The following XIRP2 variants were observed in gnomAD, a reference collection of about 807,000 sequenced individuals.
XIRP2 encodes the protein xin actin binding repeat containing 2, also known as xin actin-binding repeat-containing protein 2.
A neutral mutation model predicts 277.0 loss-of-function variants in XIRP2; 236 were observed. The ratio of observed to expected loss-of-function variants is 0.85; its 90% CI spans 0.77 to 0.95. The LOEUF (loss-of-function observed/expected upper bound fraction) is 0.95, where lower values mean the gene tolerates loss of function less well. Among genes scored for constraint, XIRP2 ranks in the 40% least tolerant of loss-of-function variants. XIRP2 has a pLI of 0.00. For missense variants in XIRP2, 4,640 were observed against 4,157.5 expected (o/e 1.12, Z -3.19); for synonymous variants, 1,490 against 1,416.5 (o/e 1.05, Z -1.17).
At chr2:167,233,930 G>A (rs1694828640) in intron 5 of XIRP2, among the ~76,000 whole-genome samples, 1 of 151,512 alleles carries the variant, frequency 6.6e-6, no homozygotes, top group Non-Finnish European at 1.5e-5. Flanking sequence ...ATGTCTTTAT[G>A]TAAGCTGCAT....
chr2:167,087,499 A>G (rs1433365336), intron 2 of XIRP2, among the ~76,000 whole-genome samples: 1 of 152,068 alleles, frequency 6.6e-6, no homozygotes, highest in East Asian at 1.9e-4. Context: ...TGCTTTGTTT[A>G]CCTAAGCAAG....
At chr2:166,944,812 G>A (rs1407996289) in intron 2 of XIRP2, among the ~76,000 whole-genome samples, 2 of 152,074 alleles carry the variant, frequency 1.3e-5, no homozygotes, top group African/African-American at 4.8e-5. Flanking sequence ...AAACCATAAA[G>A]ACATTAAGTA....
At chr2:167,142,780 G>T (rs896350917) in intron 3 of XIRP2, among the ~76,000 whole-genome samples, 1 of 152,250 alleles carries the variant, frequency 6.6e-6, no homozygotes, top group African/African-American at 2.4e-5. Context: ...ACGGTGCTAT[G>T]CCAGAGAAGT....
At chr2:166,988,283 T>TTCTACTAACTGCCTGC (rs1310754192) in intron 2 of XIRP2, among the ~76,000 whole-genome samples, 1 of 152,150 alleles carries the variant, frequency 6.6e-6, no homozygotes, top group Non-Finnish European at 1.5e-5. Flanking sequence ...CTAAGGGACA[T>TTCTACTAACTGCCTGC]TCTACTAACT....
At chr2:166,940,422 G>A (rs544839273) in intron 2 of XIRP2, among the ~76,000 whole-genome samples, 15 of 152,100 alleles carry the variant, frequency 9.9e-5, no homozygotes, top group African/African-American at 3.1e-4. Flanking sequence ...AAGTTTGATC[G>A]TCTGAAGCCT....
Position 167,245,161 on chromosome 2 carries a change from G to C in XIRP2, c.3769G>C (p.Gly1257Arg). 2 of 1,613,518 alleles carry C rather than the reference G, an allele frequency of 1.2e-6. No homozygotes were observed. The highest frequency in any genetic ancestry group is 1.1e-5 in the South Asian group (1 of 91,010). Residue 1257 changes from glycine to arginine, a missense_variant, in exon 9 of 11, where the codon GGT (glycine) becomes CGT (arginine). Gly to Arg is a moderately radical substitution (Grantham distance 125, BLOSUM62 -2). Transcript: ENST00000409195. Reference protein sequence around the residue: ...PIDKIKESQEGDECVKTVTDI... With the variant: ...PIDKIKESQERDECVKTVTDI... Reference sequence around the variant, plus strand: ...TGATAAGATAAAAGAAAGCCAAGAAGGTGATGAATGTGTTAAGACGGTGAC... The same window carrying C: ...TGATAAGATAAAAGAAAGCCAAGAACGTGATGAATGTGTTAAGACGGTGAC...
At chr2:166,985,104 A>G (rs192785602) in intron 2 of XIRP2, among the ~76,000 whole-genome samples, 1 of 152,312 alleles carries the variant, frequency 6.6e-6, no homozygotes, top group Admixed American at 6.5e-5. Context: ...CCTGCACAAA[A>G]TTTAGTCCAT....
intron 5 of XIRP2, among the ~76,000 whole-genome samples, chr2:167,232,626 A>C (rs1694792380): frequency 6.6e-6 from 1 of 151,990 alleles, no homozygotes; most frequent in Non-Finnish European, 1.5e-5. Flanking sequence ...AGTGTGCAAT[A>C]AATATTTGTT....
chr2:167,027,518 T>C (rs1319786626), intron 2 of XIRP2, among the ~76,000 whole-genome samples: 3 of 152,172 alleles, frequency 2.0e-5, no homozygotes, highest in Non-Finnish European at 4.4e-5. Flanking sequence ...TCAAAGTCAT[T>C]CTCCATCCAG....
chr2:166,923,784 A>G (rs1685117258), intron 2 of XIRP2, among the ~76,000 whole-genome samples: 1 of 152,112 alleles, frequency 6.6e-6, no homozygotes, highest in Non-Finnish European at 1.5e-5. Context: ...CATGTTGAGT[A>G]AAGTGTATCT....
In XIRP2 at chr2:167,258,836, A is replaced by T. The variant is rs201246823; in HGVS notation, c.*1019A>T. The T allele has an allele frequency of 1.9e-6, 3 of 1,613,174 alleles. No homozygotes were observed. Among genetic ancestry groups the T allele is most frequent in the African/African-American group, 1.3e-5 (1 of 74,974 alleles). The stretch of plus-strand genomic sequence containing the variant: ...ATCTAGAATCTCAGAGTTACTTGGT[A>T]TATTTGAATCTGAAAAGACTTATTC... On this transcript the variant is annotated 3_prime_UTR_variant, in exon 11 of 11. Coordinates refer to ENST00000409195, the MANE Select transcript of XIRP2 (RefSeq NM_152381.6).
intron 2 of XIRP2, among the ~76,000 whole-genome samples, chr2:167,133,450 G>A (rs1691444221): frequency 6.6e-6 from 1 of 152,084 alleles, no homozygotes; most frequent in Non-Finnish European, 1.5e-5. Flanking sequence ...GTTCCTTACT[G>A]CCTCCGTACA....
At position 166,907,427 on chromosome 2, in the gene XIRP2, G is replaced by A. The variant is rs115622207; in HGVS notation, c.408+3537G>A. 4.6e-3 allele frequency among the ~76,000 whole-genome samples: 694 copies of A among 152,220 alleles called. 4 individuals are homozygous for A. The highest frequency in any genetic ancestry group is 0.016 in the African/African-American group (673 of 41,560). On this transcript the variant is annotated intron_variant, in intron 2 of 10. Coordinates refer to ENST00000409195, the MANE Select transcript of XIRP2 (RefSeq NM_152381.6). ...TTAGAACATTAGTGGCTTTACAATTGTTTAGAAGTCTCTGATGAGCTTGGC... is the reference window on the plus strand; with the variant it reads ...TTAGAACATTAGTGGCTTTACAATTATTTAGAAGTCTCTGATGAGCTTGGC...
In XIRP2 at chr2:167,249,734, C is replaced by T; in HGVS notation, c.8342C>T (p.Thr2781Ile). Residue 2781 changes from threonine to isoleucine, a missense_variant, in exon 9 of 11, where the codon ACA (threonine) becomes ATA (isoleucine). Thr to Ile is a moderately conservative substitution (Grantham distance 89, BLOSUM62 -1). Transcript: ENST00000409195. ...YQLPKKEKRV[T>I]VQLPTESIQK... ...TTACCTAAGAAGGAGAAAAGAGTGA[C>T]AGTACAATTGCCTACAGAATCCATA... is the stretch of plus-strand genomic sequence containing the variant. 2 of 1,613,266 alleles carry T rather than the reference C, an allele frequency of 1.2e-6. No individual in the cohort carries two copies. The highest frequency in any genetic ancestry group is 1.7e-6 in the Non-Finnish European group (2 of 1,179,722).
chr2:166,927,351 G>A lies in XIRP2; in HGVS notation c.408+23461G>A, dbSNP rs116398265. Among the ~76,000 whole-genome samples, 736 of 152,126 alleles carry A rather than the reference G, an allele frequency of 4.8e-3. 4 individuals are homozygous for A. The highest frequency in any genetic ancestry group is 0.016 in the African/African-American group (684 of 41,522). ...AAACAATACAAATTTATTATCTTAC[G>A]CTTCCTGGAGGTCCAAAGTCCTACA... On this transcript the variant is annotated intron_variant, in intron 2 of 10. Coordinates refer to ENST00000409195, the MANE Select transcript of XIRP2 (RefSeq NM_152381.6).
intron 2 of XIRP2, among the ~76,000 whole-genome samples, chr2:167,081,693 A>G (rs1689741209): frequency 6.6e-6 from 1 of 152,218 alleles, no homozygotes; most frequent in Non-Finnish European, 1.5e-5. Context: ...GTATTTAAAT[A>G]TAGATCCTTT....
intron 2 of XIRP2, among the ~76,000 whole-genome samples, chr2:166,935,432 A>G (rs1164779271): frequency 6.6e-6 from 1 of 151,752 alleles, no homozygotes; most frequent in African/African-American, 2.4e-5. Flanking sequence ...GTTTTTTTAT[A>G]CTTTAAGTTC....
intron 2 of XIRP2, among the ~76,000 whole-genome samples, chr2:166,920,798 T>C (rs780401843): frequency 6.6e-6 from 1 of 152,122 alleles, no homozygotes; most frequent in Non-Finnish European, 1.5e-5. Context: ...AACATCACCA[T>C]ATACAAATGA....
chr2:167,143,437 G>C (rs775248012), intron 3 of XIRP2, among the ~76,000 whole-genome samples: 5 of 152,124 alleles, frequency 3.3e-5, no homozygotes, highest in Non-Finnish European at 7.4e-5. Context: ...GGAGGGATAG[G>C]AGAAAGGGTG....
Sources: gnomAD v4.1 joint callset for allele counts (sites outside exome capture counted in the v4.1 genomes callset) on GRCh38, gnomAD v4.1.1 for gene constraint, MANE v1.5 for transcripts, NCBI Gene and HGNC (gene_info 2026-07-23, HGNC 2026-07-21) for gene names.